The following PACRG variants were observed in gnomAD, a reference collection of about 807,000 sequenced individuals.
PACRG encodes the protein parkin coregulated, also known as parkin coregulated gene protein.
A neutral mutation model predicts 29.7 loss-of-function variants in PACRG; 29 were observed. That is an observed-to-expected ratio of 0.98 (90% CI 0.73 to 1.33). The LOEUF is 1.33. Ranked by LOEUF, PACRG falls within the 40% of genes most tolerant of loss-of-function variation. The pLI, the probability that PACRG is intolerant of heterozygous loss-of-function variation, is 0.00. For synonymous variants in PACRG, 116 were observed against 118.7 expected, an observed-to-expected ratio of 0.98 and a Z score of 0.15; for missense variants, 279 against 316.2, an observed-to-expected ratio of 0.88 and a Z score of 0.89.
chr6:162,930,377 A>T (rs1189305477), intron 2 of PACRG, among the ~76,000 whole-genome samples: 1 of 151,542 alleles, frequency 6.6e-6, no homozygotes, highest in Non-Finnish European at 1.5e-5. Flanking sequence ...TACTTTCTTG[A>T]TTTCTTTTTC....
intron 2 of PACRG, among the ~76,000 whole-genome samples, chr6:162,822,683 CAG>C (rs1422748998): frequency 1.3e-5 from 2 of 151,990 alleles, no homozygotes; most frequent in Non-Finnish European, 2.9e-5. Flanking sequence ...TTAAAAAAAA[CAG>C]GTATATGGTT....
intron 2 of PACRG, among the ~76,000 whole-genome samples, chr6:162,881,001 C>T (rs1265536294): frequency 6.6e-6 from 1 of 152,302 alleles, no homozygotes; most frequent in South Asian, 2.1e-4. Flanking sequence ...AGACACAGAT[C>T]GTCACGATCT....
intron 4 of PACRG, chr6:163,095,278 G>C (rs769462307): frequency 1.2e-5 from 12 of 985,308 alleles, no homozygotes; most frequent in Non-Finnish European, 1.4e-5. Context: ...AAAGCATCAG[G>C]GGAGTGGGGT....
intron 2 of PACRG, among the ~76,000 whole-genome samples, chr6:162,866,035 GA>G (rs1792272268): frequency 2.0e-5 from 3 of 152,044 alleles, no homozygotes; most frequent in Admixed American, 2.0e-4. Context: ...TTGCTGGGGT[GA>G]AAAAATAAGC....
intron 2 of PACRG, among the ~76,000 whole-genome samples, chr6:162,886,048 A>G (rs1794307431): frequency 6.6e-6 from 1 of 152,024 alleles, no homozygotes; most frequent in Admixed American, 6.6e-5. Context: ...CACACATTAC[A>G]TTTATTTGCC....
chr6:162,955,672 T>C (rs1056898215), intron 2 of PACRG, among the ~76,000 whole-genome samples: 1 of 152,238 alleles, frequency 6.6e-6, no homozygotes, highest in Admixed American at 6.5e-5. Flanking sequence ...TTGATGATAC[T>C]GATCCTGCCT....
At chr6:162,881,981 C>G (rs1388911680) in intron 2 of PACRG, among the ~76,000 whole-genome samples, 4 of 140,696 alleles carry the variant, frequency 2.8e-5, no homozygotes, top group African/African-American at 1.1e-4. Context: ...CACTCTTCCA[C>G]TAAGGACAGA....
chr6:162,757,505 C>G (rs982105618), intron 1 of PACRG, among the ~76,000 whole-genome samples: 1 of 151,912 alleles, frequency 6.6e-6, no homozygotes, highest in East Asian at 1.9e-4. Context: ...GTCAGGAGTT[C>G]GAGACCAGCC....
chr6:163,296,180 G>A (rs1038525920), intron 4 of PACRG, among the ~76,000 whole-genome samples: 3 of 152,164 alleles, frequency 2.0e-5, no homozygotes, highest in Non-Finnish European at 4.4e-5. Context: ...TCAGGTTTTT[G>A]GGGTAGAATA....
intron 2 of PACRG, among the ~76,000 whole-genome samples, chr6:162,939,621 C>A (rs952669815): frequency 6.6e-6 from 1 of 151,652 alleles, no homozygotes; most frequent in African/African-American, 2.4e-5. Context: ...CTCCTTTCTC[C>A]TATTCTTTGT....
At chr6:163,112,562 C>G (rs933562040) in intron 4 of PACRG, among the ~76,000 whole-genome samples, 1 of 151,908 alleles carries the variant, frequency 6.6e-6, no homozygotes, top group Admixed American at 6.6e-5. Flanking sequence ...TTTTTTTCTC[C>G]TTCCCCCTCA....
intron 4 of PACRG, among the ~76,000 whole-genome samples, chr6:163,225,887 GA>G (rs1287288472): frequency 6.6e-6 from 1 of 152,094 alleles, no homozygotes; most frequent in Non-Finnish European, 1.5e-5. Flanking sequence ...CCTTTAAAAA[GA>G]AGGAAATTGG....
chr6:162,735,091 A>G (rs556770538), intron 1 of PACRG, among the ~76,000 whole-genome samples: 1 of 152,264 alleles, frequency 6.6e-6, no homozygotes, highest in African/African-American at 2.4e-5. Flanking sequence ...CTTCATGTTT[A>G]TCCCTGTCTA....
chr6:162,856,839 T>C (rs969770038), intron 2 of PACRG, among the ~76,000 whole-genome samples: 3 of 152,192 alleles, frequency 2.0e-5, no homozygotes, highest in Admixed American at 1.3e-4. Flanking sequence ...CTGAAGCTTA[T>C]TTCCCCCTGA....
intron 2 of PACRG, among the ~76,000 whole-genome samples, chr6:163,059,958 A>G (rs544541668): frequency 3.9e-5 from 6 of 152,210 alleles, no homozygotes; most frequent in African/African-American, 1.4e-4. Flanking sequence ...ATCTCTCACT[A>G]AGATAAATTT....
At chr6:162,937,531 C>T (rs779469160) in intron 2 of PACRG, among the ~76,000 whole-genome samples, 29 of 152,108 alleles carry the variant, frequency 1.9e-4, no homozygotes, top group Non-Finnish European at 3.7e-4. Flanking sequence ...ATCTATGTCT[C>T]GGGTGTTACT....
At position 163,255,560 on chromosome 6, in the gene PACRG, C is replaced by T. The variant is rs533535204; in HGVS notation, c.614-59267C>T. Among the ~76,000 whole-genome samples, 3 of 152,212 alleles carry T rather than the reference C, an allele frequency of 2.0e-5. No homozygotes were observed. In the East Asian group the frequency reaches 5.8e-4, roughly 29 times the overall value. Reference sequence around the variant, plus strand: ...GGTGGGCAGCCAGGGAGAAAGAGACCTGGGCCTTGGGGGCGACCCACCCAA... The same window carrying T: ...GGTGGGCAGCCAGGGAGAAAGAGACTTGGGCCTTGGGGGCGACCCACCCAA... On this transcript the variant is annotated intron_variant, in intron 4 of 4. Coordinates refer to ENST00000366888, the MANE Select transcript of PACRG (RefSeq NM_001080379.2).
At chr6:162,819,738 T>C (rs1787678492) in intron 2 of PACRG, among the ~76,000 whole-genome samples, 1 of 152,248 alleles carries the variant, frequency 6.6e-6, no homozygotes, top group Non-Finnish European at 1.5e-5. Context: ...TCTTGCTTCG[T>C]AGGCCTCACT....
intron 3 of PACRG, among the ~76,000 whole-genome samples, chr6:163,076,273 C>T (rs1812531682): frequency 6.6e-6 from 1 of 152,206 alleles, no homozygotes. Context: ...TCTGGGACTA[C>T]TGGGAATCTC....
Sources: gnomAD v4.1 joint callset for allele counts (sites outside exome capture counted in the v4.1 genomes callset) on GRCh38, gnomAD v4.1.1 for gene constraint, MANE v1.5 for transcripts, NCBI Gene and HGNC (gene_info 2026-07-23, HGNC 2026-07-21) for gene names.